Variants in CELF4 observed in about 807,000 individuals in gnomAD.
CELF4 encodes CUG-BP- and ETR-3-like factor 4.
In CELF4, 18 loss-of-function variants were observed where a neutral mutation model predicts 59.9. That is an observed-to-expected ratio of 0.30 (90% confidence interval 0.21 to 0.45). The LOEUF (loss-of-function observed/expected upper bound fraction) is 0.45. Among genes scored for constraint, CELF4 ranks in the 20% least tolerant of loss-of-function variants. The pLI is 1.00. For missense variants in CELF4, 456 were observed against 689.0 expected (o/e 0.66, Z 3.79); for synonymous variants, 261 against 267.1 (o/e 0.98, Z 0.22).
chr18:37,447,984 C>A (rs916100070), intron 2 of CELF4, among the ~76,000 whole-genome samples: 1 of 152,212 alleles, frequency 6.6e-6, no homozygotes, highest in African/African-American at 2.4e-5. Context: ...CCTGCTGACA[C>A]AAATGAGACG....
chr18:37,475,415 T>C (rs963709697), intron 2 of CELF4, among the ~76,000 whole-genome samples: 2 of 152,224 alleles, frequency 1.3e-5, no homozygotes, highest in Non-Finnish European at 2.9e-5. Context: ...ACCCCAGTGA[T>C]GCTGATCTGA....
intron 2 of CELF4, among the ~76,000 whole-genome samples, chr18:37,423,012 AGC>A (rs10566179): frequency 0.34 from 51,647 of 151,892 alleles, 10,230 homozygotes; most frequent in South Asian, 0.61. Context: ...GGGAGCAGCT[AGC>A]GGTGCCTAAA....
At chr18:37,380,344 T>C (rs1257931417) in intron 2 of CELF4, among the ~76,000 whole-genome samples, 1 of 152,178 alleles carries the variant, frequency 6.6e-6, no homozygotes, top group Admixed American at 6.5e-5. Context: ...GTTGAAGGTC[T>C]ATGTTCAAGC....
At chr18:37,537,913 G>C (rs1205104490) in intron 1 of CELF4, among the ~76,000 whole-genome samples, 1 of 152,218 alleles carries the variant, frequency 6.6e-6, no homozygotes, top group African/African-American at 2.4e-5. Context: ...CCCCGACCTG[G>C]TGTCCCATCA....
intron 2 of CELF4, among the ~76,000 whole-genome samples, chr18:37,384,902 C>T (rs995444790): frequency 2.8e-4 from 42 of 152,322 alleles, no homozygotes; most frequent in African/African-American, 8.9e-4. Flanking sequence ...CCTCAGTGGA[C>T]TCATATCCCT....
chr18:37,473,342 T>A (rs2154602667), intron 2 of CELF4: 1 of 152,194 alleles, frequency 6.6e-6, no homozygotes, highest in Admixed American at 6.5e-5. Flanking sequence ...GGTGCAACTG[T>A]CAAAAAAGTG....
At chr18:37,431,319 T>TTG (rs2099656416) in intron 2 of CELF4, among the ~76,000 whole-genome samples, 1 of 152,086 alleles carries the variant, frequency 6.6e-6, no homozygotes, top group African/African-American at 2.4e-5. Context: ...CTCCTCATTT[T>TTG]TGTGTTCTTT....
Position 37,254,548 on chromosome 18 carries a change from C to T in CELF4, c.1334-610G>A, listed in dbSNP as rs1334557130. Among the ~76,000 whole-genome samples, 1 of 152,122 alleles carries T rather than the reference C, an allele frequency of 6.6e-6. No homozygotes were observed. Among genetic ancestry groups the T allele is most frequent in the Non-Finnish European group, 1.5e-5 (1 of 68,008 alleles). On this transcript the variant is annotated intron_variant, in intron 11 of 12. Coordinates refer to ENST00000420428, the MANE Select transcript of CELF4 (RefSeq NM_020180.4). The surrounding 1 kb of genome is among the most constrained non-coding windows in gnomAD (Gnocchi z 5.1). ...TCCGCCCCCACTCCCGGCCTCTGCCCGCCCCGCCAGGCTCCGGGTGGGCCC... is the reference window on the plus strand; with the variant it reads ...TCCGCCCCCACTCCCGGCCTCTGCCTGCCCCGCCAGGCTCCGGGTGGGCCC...
At chr18:37,306,192 A>T (rs2096389728) in intron 3 of CELF4, 2 of 152,210 alleles carry the variant, frequency 1.3e-5, no homozygotes, top group African/African-American at 4.8e-5. Context: ...TAGGACAGAG[A>T]CTGTCAGGCA....
chr18:37,369,250 G>C (rs923345279), intron 2 of CELF4, among the ~76,000 whole-genome samples: 2 of 152,182 alleles, frequency 1.3e-5, no homozygotes, highest in Non-Finnish European at 2.9e-5. Context: ...TGTATGGTGG[G>C]GGGGTGGGCA....
intron 2 of CELF4, among the ~76,000 whole-genome samples, chr18:37,394,486 G>C (rs946669608): frequency 3.3e-5 from 5 of 152,216 alleles, no homozygotes; most frequent in African/African-American, 1.2e-4. Context: ...TGGAGCGTGT[G>C]ATGAGGCAGC....
intron 1 of CELF4, among the ~76,000 whole-genome samples, chr18:37,495,515 G>A (rs753725137): frequency 1.3e-5 from 2 of 152,104 alleles, no homozygotes; most frequent in Non-Finnish European, 2.9e-5. Context: ...CAGCACATAA[G>A]AATCACACCA....
At position 37,243,191 on chromosome 18, in the gene CELF4, T is replaced by TC. The variant is rs1463208155; in HGVS notation, c.*2050_*2051insG. ...TCTTTTTTTTTTCTTTTTTTCTTTT[T>TC]TTTTTTTTTTTTTTTACATCTGGAC... On this transcript the variant is annotated 3_prime_UTR_variant, in exon 13 of 13. Transcript: ENST00000420428. 9 of 146,960 alleles carry TC rather than the reference T, an allele frequency of 6.1e-5. No individual in the cohort carries two copies. Among genetic ancestry groups the TC allele is most frequent in the African/African-American group, 2.3e-4 (9 of 39,968 alleles). The allele number at this position is 146,960 out of a possible 1,614,324, so 9.1% of individuals were successfully genotyped here.
At chr18:37,500,380 A>G (rs3017022) in intron 1 of CELF4, among the ~76,000 whole-genome samples, 144,449 of 151,942 alleles carry the variant, frequency 0.95, 69,114 homozygotes, top group East Asian at 1. Flanking sequence ...GGAGACCCAG[A>G]CCCAGGCTTA....
chr18:37,558,387 T>G (rs1247335688), intron 1 of CELF4, among the ~76,000 whole-genome samples: 6 of 14,176 alleles, frequency 4.2e-4, no homozygotes, highest in African/African-American at 5.0e-4. Flanking sequence ...AACAGTTTTT[T>G]TTTTTTTTTT....
At chr18:37,481,487 A>G (rs955048890) in intron 2 of CELF4, among the ~76,000 whole-genome samples, 1 of 152,190 alleles carries the variant, frequency 6.6e-6, no homozygotes, top group African/African-American at 2.4e-5. Context: ...TCTTCCTGGA[A>G]GACGATTCCC....
chr18:37,425,681 C>T lies in CELF4; in HGVS notation c.369+59844G>A, dbSNP rs557278645. On this transcript the variant is annotated intron_variant, in intron 2 of 12. Coordinates refer to ENST00000420428, the MANE Select transcript of CELF4 (RefSeq NM_020180.4). ...CATAGAGATTCAAGAAAGAAAAAAG[C>T]AGGTTCCTTTGGAGACTTCTAGGGC... 6.6e-5 allele frequency among the ~76,000 whole-genome samples: 10 copies of T among 152,384 alleles called. 1 individual carries two copies. Among genetic ancestry groups the T allele is most frequent in the African/African-American group, 2.4e-4 (10 of 41,588 alleles).
At chr18:37,490,770 C>G (rs1446295849) in intron 1 of CELF4, among the ~76,000 whole-genome samples, 1 of 152,100 alleles carries the variant, frequency 6.6e-6, no homozygotes, top group Non-Finnish European at 1.5e-5. Context: ...CCCAGCTGTG[C>G]GACTCTGACG....
chr18:37,419,325 C>T (rs2099554202), intron 2 of CELF4, among the ~76,000 whole-genome samples: 1 of 152,174 alleles, frequency 6.6e-6, no homozygotes, highest in Non-Finnish European at 1.5e-5. Flanking sequence ...GAAAGATGCA[C>T]TGAGGAGGAG....
Sources: allele counts gnomAD v4.1 joint callset (sites outside exome capture counted in the v4.1 genomes callset), GRCh38; gene constraint gnomAD v4.1.1; non-coding constraint Gnocchi (gnomAD v3.1); transcripts MANE v1.5; gene names NCBI Gene and HGNC (gene_info 2026-07-23, HGNC 2026-07-21).